Variants in BBS9 observed in about 807,000 individuals in gnomAD.
BBS9 encodes Bardet-Biedl syndrome 9.
Under a neutral mutation model 117.7 loss-of-function variants are expected in BBS9, and 89 were observed. The ratio of observed to expected loss-of-function variants is 0.76; its 90% CI spans 0.64 to 0.90. BBS9 has a LOEUF of 0.90. Among genes scored for constraint, BBS9 ranks in the 40% least tolerant of loss-of-function variants. BBS9 has a pLI of 0.00. For synonymous variants in BBS9, 379 were observed against 370.9 expected (o/e 1.02, Z -0.25); for missense variants, 982 against 1,042.2 (o/e 0.94, Z 0.80).
rs1864525186 is a variant in BBS9 at position 33,605,952 on chromosome 7, T to C, written c.*726T>C. 1.3e-5 allele frequency: 2 copies of C among 152,222 alleles called. No homozygotes were observed. Among genetic ancestry groups the C allele is most frequent in the South Asian group, 4.1e-4 (2 of 4,832 alleles). The allele number at this position is 152,222 out of a possible 1,614,324, so 9.4% of individuals were successfully genotyped here. The stretch of plus-strand genomic sequence containing the variant: ...AGGTTATTAAAGGATTCACACTTTA[T>C]TACAGTTAAAATTTAAGGTTTTTAT... On this transcript the variant is annotated 3_prime_UTR_variant, in exon 23 of 23. Coordinates refer to ENST00000242067, the MANE Select transcript of BBS9 (RefSeq NM_198428.3).
chr7:33,252,038 T>C (rs1796297749), intron 5 of BBS9, among the ~76,000 whole-genome samples: 1 of 152,072 alleles, frequency 6.6e-6, no homozygotes, highest in South Asian at 2.1e-4. Flanking sequence ...GCTTGGCTTC[T>C]GGGGAGGCCT....
rs571583287 is a variant in BBS9, at chr7:33,257,184, ATTATAT to A, written c.443-46_443-41del. 1.1e-3 allele frequency: 1,398 copies of A among 1,256,754 alleles called. 17 individuals are homozygous for A. In the African/African-American group the frequency reaches 0.018, roughly 16 times the overall value. The allele number at this position is 1,256,754 out of a possible 1,614,324, so 77.9% of individuals were successfully genotyped here. A position where few individuals can be genotyped will look rare whatever the true frequency, so the allele number is the denominator to read the frequency against. On this transcript the variant is annotated intron_variant, in intron 5 of 22. Transcript: ENST00000242067. ...GTTGTAGATAGTGATTAATAAAAATATTATATTTATAAAAAGAATAGATTATCTAAT... is the reference window on the plus strand; with the variant it reads ...GTTGTAGATAGTGATTAATAAAAATATTATAAAAAGAATAGATTATCTAAT...
At chr7:33,558,944 T>A (rs1185400602) in intron 21 of BBS9, among the ~76,000 whole-genome samples, 2 of 152,212 alleles carry the variant, frequency 1.3e-5, no homozygotes, top group African/African-American at 2.4e-5. Flanking sequence ...TATAGCAAAA[T>A]ATAGTTGGCT....
chr7:33,611,761 A>C lies in BBS9; in HGVS notation c.2522-23416A>C, dbSNP rs1201864442. Among the ~76,000 whole-genome samples the C allele has an allele frequency of 3.6e-5, 5 of 138,146 alleles. No homozygotes were observed. The Admixed American group carries it at 3.8e-4, about 10-fold the overall frequency. 90.6% of individuals were successfully genotyped at this position (138,146 alleles called of 152,430 possible). A position where few individuals can be genotyped will look rare whatever the true frequency, so the allele number is the denominator to read the frequency against. On this transcript the variant is annotated intron_variant, in intron 21 of 21. Transcript: ENST00000671952. ...TATATTTATTCCTTTATATAATATT[A>C]TATAATATTATTATATAATAATATT...
rs189944355 is a variant in BBS9 at position 33,535,815 on chromosome 7, A to G, written c.2521+1639A>G. ...ATTTTACAAAAAAGAGAGAGAGAGA[A>G]AAAAAATTTGAAGAGGGATGGGATG... On this transcript the variant is annotated intron_variant, in intron 21 of 22. Coordinates refer to ENST00000242067, the MANE Select transcript of BBS9 (RefSeq NM_198428.3). Among the ~76,000 whole-genome samples, 193 of 152,162 alleles carry G rather than the reference A, an allele frequency of 1.3e-3. 2 individuals carry two copies. The highest frequency in any genetic ancestry group is 1.6e-3 in the Non-Finnish European group (107 of 68,004).
intron 21 of BBS9, among the ~76,000 whole-genome samples, chr7:33,549,707 G>A (rs928177640): frequency 3.9e-5 from 6 of 152,056 alleles, no homozygotes; most frequent in African/African-American, 1.4e-4. Context: ...TCAGAGAAAT[G>A]CAAATCAAAA....
intron 19 of BBS9, among the ~76,000 whole-genome samples, chr7:33,486,107 T>C (rs2128984823): frequency 6.6e-6 from 1 of 152,348 alleles, no homozygotes; most frequent in Admixed American, 6.5e-5. Flanking sequence ...AGGGGCACAA[T>C]TTAGCCTTAT....
chr7:33,360,815 G>C (rs1820487280), intron 16 of BBS9, among the ~76,000 whole-genome samples: 2 of 152,150 alleles, frequency 1.3e-5, no homozygotes, highest in Admixed American at 1.3e-4. Flanking sequence ...GTGAGCTACT[G>C]TGCCTGGCCA....
At chr7:33,234,433 C>A (rs1207739518) in intron 5 of BBS9, among the ~76,000 whole-genome samples, 1 of 151,982 alleles carries the variant, frequency 6.6e-6, no homozygotes, top group Non-Finnish European at 1.5e-5. Context: ...CACAATCAAG[C>A]AATTAACGTT....
chr7:33,412,390 G>A (rs13239022), intron 19 of BBS9, among the ~76,000 whole-genome samples: 26,810 of 152,158 alleles, frequency 0.18, 2,542 homozygotes, highest in South Asian at 0.21. Context: ...GAGCTCTCTG[G>A]TCCTGTCCCA....
At chr7:33,296,217 C>A (rs564688894) in intron 9 of BBS9, among the ~76,000 whole-genome samples, 1 of 151,924 alleles carries the variant, frequency 6.6e-6, no homozygotes, top group African/African-American at 2.4e-5. Context: ...TGGAATTCTC[C>A]GTTAGAGACT....
intron 21 of BBS9, among the ~76,000 whole-genome samples, chr7:33,623,811 T>A (rs1865520400): frequency 6.6e-6 from 1 of 152,286 alleles, no homozygotes; most frequent in Non-Finnish European, 1.5e-5. Context: ...AACAACATAT[T>A]GTTTTAGGGT....
intron 20 of BBS9, among the ~76,000 whole-genome samples, chr7:33,527,339 C>A (rs1192547786): frequency 6.6e-6 from 1 of 152,116 alleles, no homozygotes; most frequent in Admixed American, 6.5e-5. Flanking sequence ...GGGCGCCCCT[C>A]CCCCAGCCTC....
intron 19 of BBS9, among the ~76,000 whole-genome samples, chr7:33,415,790 C>G (rs933204661): frequency 1.3e-5 from 2 of 152,154 alleles, no homozygotes; most frequent in Non-Finnish European, 2.9e-5. Flanking sequence ...CTTGATCAGA[C>G]ATTATAATTG....
chr7:33,590,871 A>C (rs1286339024), intron 21 of BBS9, among the ~76,000 whole-genome samples: 4 of 151,142 alleles, frequency 2.6e-5, no homozygotes, highest in Non-Finnish European at 4.4e-5. Flanking sequence ...TAAAAAAAAA[A>C]CTAATAATCA....
intron 20 of BBS9, among the ~76,000 whole-genome samples, chr7:33,527,099 G>A (rs1271761894): frequency 6.6e-6 from 1 of 151,946 alleles, no homozygotes; most frequent in Non-Finnish European, 1.5e-5. Flanking sequence ...GAGGCAGTCT[G>A]CCTCTTCTCA....
intron 2 of BBS9, among the ~76,000 whole-genome samples, chr7:33,149,390 AG>A (rs1184354911): frequency 6.6e-6 from 1 of 152,204 alleles, no homozygotes; most frequent in Non-Finnish European, 1.5e-5. Context: ...AGACAGTGAG[AG>A]AAGAGTTACA....
intron 20 of BBS9, among the ~76,000 whole-genome samples, chr7:33,528,301 C>T (rs1414077495): frequency 6.6e-6 from 1 of 152,054 alleles, no homozygotes; most frequent in Non-Finnish European, 1.5e-5. Flanking sequence ...ACAAAATCTC[C>T]ATTTGTTCTT....
intron 17 of BBS9, among the ~76,000 whole-genome samples, chr7:33,372,507 G>A (rs141586549): frequency 1.2e-3 from 176 of 152,162 alleles, no homozygotes; most frequent in African/African-American, 4.0e-3. Context: ...AATCCCACTT[G>A]ATCATGGTGA....
Sources: gnomAD v4.1 joint callset for allele counts (sites outside exome capture counted in the v4.1 genomes callset) on GRCh38, gnomAD v4.1.1 for gene constraint, MANE v1.5 for transcripts, NCBI Gene and HGNC (gene_info 2026-07-23, HGNC 2026-07-21) for gene names.